The following ENPP2 variants were observed in gnomAD, a reference collection of about 807,000 sequenced individuals.
ENPP2 encodes the protein ectonucleotide pyrophosphatase/phosphodiesterase 2.
In ENPP2, 51 loss-of-function variants were observed where a neutral mutation model predicts 120.2. That is an observed-to-expected ratio of 0.42 (90% CI 0.34 to 0.54). The LOEUF (loss-of-function observed/expected upper bound fraction) is 0.54. ENPP2 is among the 20% of genes least tolerant of loss of function. ENPP2 has a pLI of 0.04. For synonymous variants in ENPP2, 365 were observed against 366.4 expected (o/e 1.00, Z 0.04); for missense variants, 920 against 1,066.5 (o/e 0.86, Z 1.91).
intron 14 of ENPP2, 75 bp from the exon 15 acceptor site, chr8:119,586,388 A>G (rs2130372564): frequency 7.0e-7 from 1 of 1,429,754 alleles, no homozygotes; most frequent in South Asian, 1.2e-5. Flanking sequence ...CTCTCTAGAA[A>G]GCTGAAGGAG....
intron 1 of ENPP2, among the ~76,000 whole-genome samples, chr8:119,652,889 A>C (rs1188906834): frequency 1.3e-5 from 2 of 152,218 alleles, no homozygotes; most frequent in African/African-American, 4.8e-5. Flanking sequence ...AACATTCTTG[A>C]AGCAGAATAC....
chr8:119,638,940 G>C (rs752351986), upstream of ENPP2: 12 of 832,760 alleles, frequency 1.4e-5, no homozygotes, highest in Non-Finnish European at 2.1e-5. Context: ...ATCACAGGGT[G>C]TTCACAAATC....
chr8:119,601,652 G>T (rs777330995), intron 9 of ENPP2, among the ~76,000 whole-genome samples, 190 bp from the exon 10 acceptor site: 13 of 151,936 alleles, frequency 8.6e-5, no homozygotes, highest in Non-Finnish European at 1.8e-4. Flanking sequence ...AACATATTAC[G>T]TTGCTCAACC....
intron 2 of ENPP2, among the ~76,000 whole-genome samples, chr8:119,628,408 AT>A (rs1053639705): frequency 2.0e-5 from 3 of 152,194 alleles, no homozygotes; most frequent in African/African-American, 7.2e-5. Flanking sequence ...ATTTACACAT[AT>A]TTGCAAAAGT....
intron 1 of ENPP2, among the ~76,000 whole-genome samples, chr8:119,650,829 T>C (rs984197432): frequency 2.0e-5 from 3 of 152,144 alleles, no homozygotes; most frequent in African/African-American, 2.4e-5. Context: ...TACTTTTAAA[T>C]AAAACAGCCT....
chr8:119,570,478 AAAG>A (rs1367946031), intron 20 of ENPP2, among the ~76,000 whole-genome samples: 1 of 152,222 alleles, frequency 6.6e-6, no homozygotes, highest in Non-Finnish European at 1.5e-5. Flanking sequence ...AAAGAAAATA[AAAG>A]AATTAGTGAT....
chr8:119,601,814 G>A (rs553370913), intron 9 of ENPP2, among the ~76,000 whole-genome samples: 4 of 152,148 alleles, frequency 2.6e-5, no homozygotes, highest in African/African-American at 9.6e-5. Flanking sequence ...GGCCATAAAG[G>A]GATCAGTACT....
At chr8:119,617,060 C>G in intron 7 of ENPP2, 104 bp downstream of exon 7, 1 of 742,432 alleles carries the variant, frequency 1.3e-6, no homozygotes, top group Admixed American at 2.4e-5. Flanking sequence ...GAAAGATTTT[C>G]TTTGAACACT....
rs369618003 is a variant in ENPP2, at chr8:119,638,793, T to C, written c.-13A>G. 1.9e-6 allele frequency: 3 copies of C among 1,613,816 alleles called. No individual in the cohort carries two copies. The East Asian group carries it at 6.7e-5, about 36-fold the overall frequency. On this transcript the variant is annotated 5_prime_UTR_variant, in exon 1 of 25. Coordinates refer to ENST00000075322, the MANE Select transcript of ENPP2 (RefSeq NM_001040092.3). ...TCCTCCTTGCCATGTCGAGGATTCT[T>C]GGAAAGCCTTTTGCAGCGTGTTCTC... is the stretch of plus-strand genomic sequence containing the variant.
chr8:119,632,791 C>T (rs532090254), intron 2 of ENPP2, among the ~76,000 whole-genome samples: 7 of 152,230 alleles, frequency 4.6e-5, no homozygotes, highest in East Asian at 3.9e-4. Flanking sequence ...TAGTGCCGGC[C>T]GGGCACGGTG....
chr8:119,573,141 A>C (rs73328099), intron 19 of ENPP2: 23,327 of 152,140 alleles, frequency 0.15, 2,175 homozygotes, highest in African/African-American at 0.25. Flanking sequence ...GGCATGGTGG[A>C]TCATGCCTGG....
chr8:119,663,884 T>G (rs1047205469), intron 1 of ENPP2, among the ~76,000 whole-genome samples: 2 of 152,192 alleles, frequency 1.3e-5, no homozygotes, highest in African/African-American at 4.8e-5. Context: ...CTGAAGAGTA[T>G]TAATGATGGA....
chr8:119,592,250 A>C (rs531586187), intron 12 of ENPP2, among the ~76,000 whole-genome samples: 2 of 152,280 alleles, frequency 1.3e-5, no homozygotes, highest in South Asian at 4.1e-4. Context: ...AGGCAGGCAG[A>C]TCACCTGAGG....
At chr8:119,635,054 G>C (rs1394616915) in intron 2 of ENPP2, among the ~76,000 whole-genome samples, 1 of 152,194 alleles carries the variant, frequency 6.6e-6, no homozygotes, top group East Asian at 1.9e-4. Flanking sequence ...GCAAATGGCT[G>C]ATCTACGTCC....
At chr8:119,631,592 G>A (rs1399861712) in intron 2 of ENPP2, among the ~76,000 whole-genome samples, 1 of 151,994 alleles carries the variant, frequency 6.6e-6, no homozygotes, top group Non-Finnish European at 1.5e-5. Context: ...CAATGGAAAA[G>A]ACCATCTTGA....
intron 10 of ENPP2, 38 bp from the exon 11 acceptor site, chr8:119,600,788 C>T: frequency 8.9e-7 from 1 of 1,126,292 alleles, no homozygotes; most frequent in South Asian, 1.3e-5. Context: ...CTCTCCTAAA[C>T]CACATGTAAC....
chr8:119,560,947 A>T (rs1286599402), intron 24 of ENPP2, among the ~76,000 whole-genome samples: 3 of 152,166 alleles, frequency 2.0e-5, no homozygotes, highest in African/African-American at 7.2e-5. Flanking sequence ...ATATATGTAG[A>T]GGACCTACAC....
At chr8:119,658,741 A>C (rs1483283466) in intron 1 of ENPP2, among the ~76,000 whole-genome samples, 1 of 152,156 alleles carries the variant, frequency 6.6e-6, no homozygotes, top group Non-Finnish European at 1.5e-5. Flanking sequence ...CAGGACTATA[A>C]GCCCCACCAG....
intron 8 of ENPP2, among the ~76,000 whole-genome samples, chr8:119,613,440 T>C (rs17803228): frequency 0.053 from 8,106 of 152,310 alleles, 293 homozygotes; most frequent in Non-Finnish European, 0.08. Flanking sequence ...GTGGCTTTTA[T>C]TCACCATGTA....
Sources: gnomAD v4.1 joint callset for allele counts (sites outside exome capture counted in the v4.1 genomes callset) on GRCh38, gnomAD v4.1.1 for gene constraint, MANE v1.5 for transcripts, NCBI Gene and HGNC (gene_info 2026-07-23, HGNC 2026-07-21) for gene names.